RPS15: variants seen among roughly 807,000 people sequenced by gnomAD.
RPS15 encodes ribosomal protein S15.
RPS15 carries 5 observed loss-of-function variants against 14.9 expected under a neutral mutation model. The ratio of observed to expected loss-of-function variants is 0.34; its 90% CI spans 0.18 to 0.70. RPS15 has a LOEUF of 0.70. Ranked by LOEUF, RPS15 falls within the 30% of genes least tolerant of loss-of-function variation. The probability of loss-of-function intolerance (pLI) is 0.65; values close to 1 mark genes in which losing one functional copy is unlikely to be tolerated. For missense variants in RPS15, 102 were observed against 204.2 expected (o/e 0.50, Z 3.05); for synonymous variants, 103 against 85.0 (o/e 1.21, Z -1.16).
intron 2 of RPS15, chr19:1,439,654 C>G: frequency 1.8e-6 from 1 of 547,672 alleles, no homozygotes; most frequent in Non-Finnish European, 3.3e-6. Flanking sequence ...CTCAACCTCC[C>G]GAAGTGCTGG....
chr19:1,440,360 C>T lies in RPS15; in HGVS notation c.336C>T (p.Ile112=), dbSNP rs147232734. 1.5e-5 allele frequency: 25 copies of T among 1,613,886 alleles called. No homozygotes were observed. The highest frequency in any genetic ancestry group is 1.3e-4 in the African/African-American group (10 of 74,934). The part of the protein sequence containing the change: ...FNQVEIKPEM[I]GHYLGEFSIT... ...TTGGTCTCCCGCAGCCCGAGATGAT[C>T]GGCCACTACCTGGGCGAGTTCTCCA... The change falls in exon 4 of 4, where the codon ATC becomes ATT. Residue 112 remains isoleucine (I), a synonymous_variant. Coordinates refer to ENST00000592588, the MANE Select transcript of RPS15 (RefSeq NM_001018.5).
At position 1,438,488 on chromosome 19, in the gene RPS15, C is replaced by G; in HGVS notation, c.3+60C>G. The G allele has an allele frequency of 1.2e-6, 2 of 1,612,514 alleles. No individual in the cohort carries two copies. The highest frequency in any genetic ancestry group is 8.5e-7 in the Non-Finnish European group (1 of 1,179,660). On this transcript the variant is annotated intron_variant, in intron 1 of 3. Transcript: ENST00000592588. This position sits in a 1 kb window ranked among gnomAD's most constrained non-coding sequence, Gnocchi z 4.8. ...CTATCCGGCTCCATCCAACCTCTGA[C>G]CGTCTCGCGGGGGCCGCAGTTCGTC...
rs1459685476 is a variant in RPS15, at chr19:1,438,577, C to G, written c.3+149C>G. ...GCTGGATGTTGGGGCGAGGGGCGGA[C>G]TTGGTGGGTGTCGGGACGACGCGGG... is the stretch of plus-strand genomic sequence containing the variant. On this transcript the variant is annotated intron_variant, in intron 1 of 3. Coordinates refer to ENST00000592588, the MANE Select transcript of RPS15 (RefSeq NM_001018.5). The surrounding 1 kb of genome is among the most constrained non-coding windows in gnomAD (Gnocchi z 4.8). 1.9e-6 allele frequency: 3 copies of G among 1,558,592 alleles called. No individual in the cohort carries two copies. Among genetic ancestry groups the G allele is most frequent in the East Asian group, 2.4e-5 (1 of 41,266 alleles).
At position 1,440,470 on chromosome 19, in the gene RPS15, G is replaced by A; in HGVS notation, c.*8G>A. ...TTCATCCCTCTCAAGTAATGGCTCA[G>A]CTAATAAAGGCGCACATGACTCCAG... On this transcript the variant is annotated 3_prime_UTR_variant, in exon 4 of 4. Transcript: ENST00000592588. The A allele has an allele frequency of 6.3e-7, 1 of 1,593,122 alleles. No individual in the cohort carries two copies. Among genetic ancestry groups the A allele is most frequent in the Non-Finnish European group, 8.6e-7 (1 of 1,160,888 alleles).
rs1413098166 is a variant in RPS15, at chr19:1,438,467, C to T, written c.3+39C>T. On this transcript the variant is annotated intron_variant, in intron 1 of 3. Transcript: ENST00000592588. The surrounding 1 kb of genome is among the most constrained non-coding windows in gnomAD (Gnocchi z 4.8). The stretch of plus-strand genomic sequence containing the variant: ...TTTGGCGCGTCTCTGCCGGGCCTAT[C>T]CGGCTCCATCCAACCTCTGACCGTC... The T allele has an allele frequency of 2.5e-6, 4 of 1,613,208 alleles. No individual in the cohort carries two copies. The South Asian group carries it at 4.4e-5, about 18-fold the overall frequency.
chr19:1,438,459 G>C lies in RPS15; in HGVS notation c.3+31G>C. 6.2e-7 allele frequency: 1 copy of C among 1,613,270 alleles called. No homozygotes were observed. Among genetic ancestry groups the C allele is most frequent in the Non-Finnish European group, 8.5e-7 (1 of 1,179,894 alleles). On this transcript the variant is annotated intron_variant, in intron 1 of 3. Transcript: ENST00000592588. This position sits in a 1 kb window ranked among gnomAD's most constrained non-coding sequence, Gnocchi z 4.8. ...TGTTGCGATTTGGCGCGTCTCTGCCGGGCCTATCCGGCTCCATCCAACCTC... is the reference window on the plus strand; with the variant it reads ...TGTTGCGATTTGGCGCGTCTCTGCCCGGCCTATCCGGCTCCATCCAACCTC...
Position 1,438,587 on chromosome 19 carries a change from G to A in RPS15, c.3+159G>A. ...GGGGCGAGGGGCGGACTTGGTGGGTGTCGGGACGACGCGGGGCTGGGAAGG... is the reference window on the plus strand; with the variant it reads ...GGGGCGAGGGGCGGACTTGGTGGGTATCGGGACGACGCGGGGCTGGGAAGG... On this transcript the variant is annotated intron_variant, in intron 1 of 3. Transcript: ENST00000592588. The surrounding 1 kb of genome is among the most constrained non-coding windows in gnomAD (Gnocchi z 4.8). 6.4e-7 allele frequency: 1 copy of A among 1,551,400 alleles called. No individual in the cohort carries two copies. Among genetic ancestry groups the A allele is most frequent in the Non-Finnish European group, 8.7e-7 (1 of 1,146,216 alleles).
chr19:1,439,261 T>G (rs927236306), intron 2 of RPS15: 37 of 230,672 alleles, frequency 1.6e-4, no homozygotes, highest in African/African-American at 8.4e-4. Context: ...CGCTTTTATT[T>G]TTTAATTTTT....
chr19:1,439,886 T>G, intron 2 of RPS15, 133 bp from the exon 3 acceptor site: 1 of 782,516 alleles, frequency 1.3e-6, no homozygotes, highest in East Asian at 2.7e-5. Flanking sequence ...TTGTAGTCAC[T>G]ACAATGGACA....
chr19:1,439,588 T>G, intron 2 of RPS15: 1 of 383,624 alleles, frequency 2.6e-6, no homozygotes, highest in Non-Finnish European at 4.8e-6. Context: ...GGAAACAGCG[T>G]TTCTCTGTGT....
In RPS15 at chr19:1,438,591, G is replaced by A. The variant is rs1195065103; in HGVS notation, c.3+163G>A. On this transcript the variant is annotated intron_variant, in intron 1 of 3. Coordinates refer to ENST00000592588, the MANE Select transcript of RPS15 (RefSeq NM_001018.5). The surrounding 1 kb of genome is among the most constrained non-coding windows in gnomAD (Gnocchi z 4.8). ...CGAGGGGCGGACTTGGTGGGTGTCG[G>A]GACGACGCGGGGCTGGGAAGGCCTG... 6.5e-7 allele frequency: 1 copy of A among 1,547,142 alleles called. No individual in the cohort carries two copies. The highest frequency in any genetic ancestry group is 8.7e-7 in the Non-Finnish European group (1 of 1,143,818).
chr19:1,440,003 G>GGT lies in RPS15; in HGVS notation c.90-14_90-13dup. On this transcript the variant is annotated splice_polypyrimidine_tract_variant and intron_variant, in intron 2 of 3. Transcript: ENST00000592588. Reference sequence around the variant, plus strand: ...GGCCGGGCCGCTCACAAAACTGCCTGGTGCATCCTCCCCAGCGAGCAGCTG... The same window carrying GGT: ...GGCCGGGCCGCTCACAAAACTGCCTGGTGTGCATCCTCCCCAGCGAGCAGCTG... The GGT allele has an allele frequency of 6.5e-7, 1 of 1,543,306 alleles. No homozygotes were observed.
rs2083637527 is a variant in RPS15, at chr19:1,439,686, C to T, written c.90-333C>T. 5.9e-5 allele frequency: 34 copies of T among 577,774 alleles called. No homozygotes were observed. The South Asian group carries it at 6.7e-4, about 11-fold the overall frequency. 35.8% of individuals were successfully genotyped at this position (577,774 alleles called of 1,614,324 possible). On this transcript the variant is annotated intron_variant, in intron 2 of 3. Transcript: ENST00000592588. ...CTGGGATCACAGGCGGGAGCCACTG[C>T]GCCCTACCTGCCTTCCCCTGCGTTT...
At position 1,440,340 on chromosome 19, in the gene RPS15, C is replaced by T. The variant is rs377297587; in HGVS notation, c.325-9C>T. ...GCTGACACCCAGCTTTGCTCTTGGTCTCCCGCAGCCCGAGATGATCGGCCA... is the reference window on the plus strand; with the variant it reads ...GCTGACACCCAGCTTTGCTCTTGGTTTCCCGCAGCCCGAGATGATCGGCCA... On this transcript the variant is annotated splice_polypyrimidine_tract_variant and intron_variant, in intron 3 of 3. Transcript: ENST00000592588. 7 of 1,613,550 alleles carry T rather than the reference C, an allele frequency of 4.3e-6. No individual in the cohort carries two copies. In the Admixed American group the frequency reaches 1.0e-4, roughly 23 times the overall value.
intron 2 of RPS15, 78 bp from the exon 3 acceptor site, chr19:1,439,941 T>G: frequency 1.7e-6 from 2 of 1,194,096 alleles, no homozygotes; most frequent in Non-Finnish European, 2.4e-6. Context: ...AACCAAGCCT[T>G]AGTTCTCTGT....
Position 1,440,005 on chromosome 19 carries a change from T to C in RPS15, c.90-14T>C, listed in dbSNP as rs1460884779. 1.3e-6 allele frequency: 2 copies of C among 1,544,312 alleles called. No homozygotes were observed. The highest frequency in any genetic ancestry group is 3.9e-5 in the Admixed American group (2 of 51,004). Reference sequence around the variant, plus strand: ...CCGGGCCGCTCACAAAACTGCCTGGTGCATCCTCCCCAGCGAGCAGCTGAT... The same window carrying C: ...CCGGGCCGCTCACAAAACTGCCTGGCGCATCCTCCCCAGCGAGCAGCTGAT... On this transcript the variant is annotated splice_polypyrimidine_tract_variant and intron_variant, in intron 2 of 3. Coordinates refer to ENST00000592588, the MANE Select transcript of RPS15 (RefSeq NM_001018.5).
rs779182460 is a variant in RPS15, at chr19:1,438,420, G to C, written c.-6G>C. On this transcript the variant is annotated 5_prime_UTR_variant, in exon 1 of 4. Coordinates refer to ENST00000592588, the MANE Select transcript of RPS15 (RefSeq NM_001018.5). This position sits in a 1 kb window ranked among gnomAD's most constrained non-coding sequence, Gnocchi z 4.8. ...CCAAAGCGATCTCTTCTGAGGATCC[G>C]GCAAGATGGTGAGTGTTGCGATTTG... is the stretch of plus-strand genomic sequence containing the variant. 9.9e-6 allele frequency: 16 copies of C among 1,613,468 alleles called. No individual in the cohort carries two copies. Among genetic ancestry groups the C allele is most frequent in the Admixed American group, 8.3e-5 (5 of 60,022 alleles).
rs2144987822 is a variant in RPS15 at position 1,438,763 on chromosome 19, A to G, written c.4-44A>G. The stretch of plus-strand genomic sequence containing the variant: ...TCCTCGGGCCCGGTGGCCCCGGGAG[A>G]TGGGTGTCGGGATCCCGCTGACGCC... On this transcript the variant is annotated intron_variant, in intron 1 of 3. Coordinates refer to ENST00000592588, the MANE Select transcript of RPS15 (RefSeq NM_001018.5). The surrounding 1 kb of genome is among the most constrained non-coding windows in gnomAD (Gnocchi z 4.8). 1 of 1,560,744 alleles carries G rather than the reference A, an allele frequency of 6.4e-7. No homozygotes were observed. The highest frequency in any genetic ancestry group is 8.7e-7 in the Non-Finnish European group (1 of 1,152,630).
chr19:1,439,165 G>C (rs1032761522), intron 2 of RPS15: 8 of 467,778 alleles, frequency 1.7e-5, no homozygotes, highest in African/African-American at 1.3e-4. Context: ...CTTAGAATAA[G>C]GGGCTGCGTT....
Sources: gnomAD v4.1 joint callset for allele counts on GRCh38, gnomAD v4.1.1 for gene constraint, Gnocchi (gnomAD v3.1) non-coding constraint, MANE v1.5 for transcripts, NCBI Gene and HGNC (gene_info 2026-07-23, HGNC 2026-07-21) for gene names.